The following KLHDC3 variants were observed in gnomAD, a reference collection of about 807,000 sequenced individuals.
KLHDC3 encodes kelch domain containing 3, also known as kelch domain-containing protein 3.
KLHDC3 carries 5 observed loss-of-function variants against 44.1 expected under a neutral mutation model. The observed-to-expected ratio is 0.11, with a 90% CI of 0.06 to 0.24. The LOEUF (loss-of-function observed/expected upper bound fraction) is 0.24, where lower values mean the gene tolerates loss of function less well. Among genes scored for constraint, KLHDC3 ranks in the 10% least tolerant of loss-of-function variants. KLHDC3 has a pLI of 1.00. For missense variants in KLHDC3, 247 were observed against 514.3 expected (o/e 0.48, Z 5.03); for synonymous variants, 170 against 189.0 (o/e 0.90, Z 0.82).
In KLHDC3 at chr6:43,018,727, G is replaced by C. The variant is rs1381285064; in HGVS notation, c.820+8G>C. On this transcript the variant is annotated splice_region_variant and intron_variant, in intron 7 of 10. Transcript: ENST00000326974. The surrounding 1 kb of genome is among the most constrained non-coding windows in gnomAD (Gnocchi z 6.0). Reference sequence around the variant, plus strand: ...TCTGGAAGTTTAATCCTGGTAAAGAGCACTGCATTTAGGGCAGGAACAAGG... The same window carrying C: ...TCTGGAAGTTTAATCCTGGTAAAGACCACTGCATTTAGGGCAGGAACAAGG... 1.9e-6 allele frequency: 3 copies of C among 1,612,006 alleles called. No individual in the cohort carries two copies. In the East Asian group the frequency reaches 6.7e-5, roughly 36 times the overall value.
At position 43,014,330 on chromosome 6, in the gene KLHDC3, C is replaced by A; in HGVS notation, c.-78C>A. The A allele has an allele frequency of 1.6e-6, 1 of 623,794 alleles. No individual in the cohort carries two copies. Among genetic ancestry groups the A allele is most frequent in the Admixed American group, 2.7e-5 (1 of 36,892 alleles). The allele number at this position is 623,794 out of a possible 1,614,324, so 38.6% of individuals were successfully genotyped here. ...GGCAGCTCGAGGACCCGCGGCCCCG[C>A]CCCGGCTCGGCCTGGCAGGTAGCCT... is the stretch of plus-strand genomic sequence containing the variant. On this transcript the variant is annotated 5_prime_UTR_variant, in exon 1 of 11. Coordinates refer to ENST00000326974, the MANE Select transcript of KLHDC3 (RefSeq NM_057161.4).
At position 43,019,086 on chromosome 6, in the gene KLHDC3, C is replaced by T. The variant is rs140467198; in HGVS notation, c.930-6C>T. The T allele has an allele frequency of 9.9e-5, 160 of 1,611,482 alleles. No homozygotes were observed. Among genetic ancestry groups the T allele is most frequent in the East Asian group, 4.9e-4 (22 of 44,864 alleles). On this transcript the variant is annotated splice_polypyrimidine_tract_variant and splice_region_variant and intron_variant, in intron 8 of 10. Transcript: ENST00000326974. Reference sequence around the variant, plus strand: ...CCTACTTTCATCTCTCTTTTGATCCCGACAGTCCATCTCCTGAGGAAGGCC... The same window carrying T: ...CCTACTTTCATCTCTCTTTTGATCCTGACAGTCCATCTCCTGAGGAAGGCC...
intron 10 of KLHDC3, among the ~76,000 whole-genome samples, 186 bp from the exon 11 acceptor site, chr6:43,020,481 T>C (rs1305680302): frequency 6.6e-6 from 1 of 151,634 alleles, no homozygotes; most frequent in Admixed American, 6.6e-5. Context: ...GAGTGGGTGG[T>C]GTTGGATTTG....
chr6:43,017,051 G>A lies in KLHDC3; in HGVS notation c.-59-83G>A. 1.0e-6 allele frequency: 1 copy of A among 960,582 alleles called. No homozygotes were observed. The highest frequency in any genetic ancestry group is 1.6e-6 in the Non-Finnish European group (1 of 638,192). The allele number at this position is 960,582 out of a possible 1,614,324, so 59.5% of individuals were successfully genotyped here. A position where few individuals can be genotyped will look rare whatever the true frequency, so the allele number is the denominator to read the frequency against. On this transcript the variant is annotated intron_variant, in intron 1 of 10. Transcript: ENST00000326974. This position sits in a 1 kb window ranked among gnomAD's most constrained non-coding sequence, Gnocchi z 6.0. Reference sequence around the variant, plus strand: ...GAGGGCCCCCAGGGTGACACTTGGAGGCAAAGGCTGGTTCTGGGCAGAGTC... The same window carrying A: ...GAGGGCCCCCAGGGTGACACTTGGAAGCAAAGGCTGGTTCTGGGCAGAGTC...
Position 43,018,537 on chromosome 6 carries a change from G to A in KLHDC3, c.714G>A (p.Gly238=). 6.2e-7 allele frequency: 1 copy of A among 1,614,040 alleles called. No individual in the cohort carries two copies. The highest frequency in any genetic ancestry group is 8.5e-7 in the Non-Finnish European group (1 of 1,180,000). The part of the protein sequence containing the change: ...DCPPTPVLPE[G]RRSHSAFGYN... ...CCCCGACTCCAGTGCTGCCTGAGGG[G>A]CGCCGGAGCCACTCGGCCTGTGAGT... The change falls in exon 6 of 11, where the codon GGG becomes GGA. Residue 238 remains glycine (G), a synonymous_variant. Transcript: ENST00000326974. This position sits in a 1 kb window ranked among gnomAD's most constrained non-coding sequence, Gnocchi z 6.0.
Position 43,021,144 on chromosome 6 carries a change from G to A in KLHDC3, c.*411G>A, listed in dbSNP as rs1410039973. 6 of 468,572 alleles carry A rather than the reference G, an allele frequency of 1.3e-5. No homozygotes were observed. Among genetic ancestry groups the A allele is most frequent in the Non-Finnish European group, 2.5e-5 (6 of 235,568 alleles). 29.0% of individuals were successfully genotyped at this position (468,572 alleles called of 1,614,324 possible). A position where few individuals can be genotyped will look rare whatever the true frequency, so the allele number is the denominator to read the frequency against. ...GAGCCTTGAGCCTTGACTGGGAGCT[G>A]AAAGGAGTTGCAGCTGTTGGCATGA... On this transcript the variant is annotated 3_prime_UTR_variant, in exon 11 of 11. Coordinates refer to ENST00000326974, the MANE Select transcript of KLHDC3 (RefSeq NM_057161.4).
At chr6:43,014,569 G>A (rs1364053560) in intron 1 of KLHDC3, 3 of 460,428 alleles carry the variant, frequency 6.5e-6, no homozygotes, top group South Asian at 3.1e-5. Flanking sequence ...AAGCAATGAA[G>A]GAAATGGGAA....
intron 1 of KLHDC3, chr6:43,016,706 G>T (rs886454876): frequency 1.8e-5 from 3 of 163,150 alleles, no homozygotes; most frequent in Non-Finnish European, 4.1e-5. Flanking sequence ...ATTAATAGCT[G>T]TGAGTATTTT....
intron 1 of KLHDC3, among the ~76,000 whole-genome samples, chr6:43,015,501 A>G (rs920484304): frequency 6.6e-6 from 1 of 152,154 alleles, no homozygotes; most frequent in Admixed American, 6.5e-5. Context: ...TTTGCCTGAA[A>G]AAACCTCAGA....
In KLHDC3 at chr6:43,017,731, G is replaced by T. The variant is rs758691979; in HGVS notation, c.331+36G>T. 3 of 1,605,446 alleles carry T rather than the reference G, an allele frequency of 1.9e-6. No individual in the cohort carries two copies. Among genetic ancestry groups the T allele is most frequent in the Non-Finnish European group, 2.6e-6 (3 of 1,174,020 alleles). ...ATCTCAGAGAGGCTATGTCCTTCCAGATGTTGCCTCAGTTGCCCAAGAAAG... is the reference window on the plus strand; with the variant it reads ...ATCTCAGAGAGGCTATGTCCTTCCATATGTTGCCTCAGTTGCCCAAGAAAG... On this transcript the variant is annotated intron_variant, in intron 3 of 10. Transcript: ENST00000326974. The surrounding 1 kb of genome is among the most constrained non-coding windows in gnomAD (Gnocchi z 6.0).
At position 43,017,258 on chromosome 6, in the gene KLHDC3, C is replaced by T. The variant is rs757760069; in HGVS notation, c.66C>T (p.Val22=). 19 of 1,614,006 alleles carry T rather than the reference C, an allele frequency of 1.2e-5. No homozygotes were observed. The highest frequency in any genetic ancestry group is 5.5e-5 in the South Asian group (5 of 91,088). ...PRRVNHAAVA[V]GHRVYSFGGY... ...GGGTGAACCATGCTGCAGTGGCTGT[C>T]GGGCATCGGGTATACTCCTTCGGGG... Residue 22 remains valine (V), a synonymous_variant, in exon 2 of 11, where the codon GTC becomes GTT. Transcript: ENST00000326974. The surrounding 1 kb of genome is among the most constrained non-coding windows in gnomAD (Gnocchi z 6.0).
In KLHDC3 at chr6:43,018,224, C is replaced by CT. The variant is rs761395700; in HGVS notation, c.519+11dup. On this transcript the variant is annotated intron_variant, in intron 5 of 10. Transcript: ENST00000326974. This position sits in a 1 kb window ranked among gnomAD's most constrained non-coding sequence, Gnocchi z 6.0. The stretch of plus-strand genomic sequence containing the variant: ...ACTCTTATCTGTACAAAGGTCTGCT[C>CT]TTTCTTTTTTTTCCCAAATCCCCAC... The CT allele has an allele frequency of 1.2e-4, 197 of 1,604,658 alleles. No homozygotes were observed. Among genetic ancestry groups the CT allele is most frequent in the Non-Finnish European group, 3.3e-5 (39 of 1,171,734 alleles).
intron 10 of KLHDC3, among the ~76,000 whole-genome samples, 168 bp from the exon 11 acceptor site, chr6:43,020,499 G>A (rs1762665873): frequency 6.6e-6 from 1 of 152,144 alleles, no homozygotes; most frequent in Non-Finnish European, 1.5e-5. Flanking sequence ...TTGGTGGTGG[G>A]TGGGTTCTGA....
In KLHDC3 at chr6:43,020,963, A is replaced by G. The variant is rs1436943018; in HGVS notation, c.*230A>G. On this transcript the variant is annotated 3_prime_UTR_variant, in exon 11 of 11. Coordinates refer to ENST00000326974, the MANE Select transcript of KLHDC3 (RefSeq NM_057161.4). ...CCCTTCCCCTTGGTGCTCTGTCCCC[A>G]TCCACCTCCTTTCAGCTGCTCCTGG... The G allele has an allele frequency of 1.5e-5, 10 of 653,996 alleles. No homozygotes were observed. In the Admixed American group the frequency reaches 1.7e-4, roughly 11 times the overall value. 40.5% of individuals were successfully genotyped at this position (653,996 alleles called of 1,614,324 possible).
At chr6:43,016,028 C>T (rs893595209) in intron 1 of KLHDC3, among the ~76,000 whole-genome samples, 4 of 150,594 alleles carry the variant, frequency 2.7e-5, no homozygotes. Flanking sequence ...CTCCGCCACC[C>T]GAGTGCAAGC....
At position 43,018,741 on chromosome 6, in the gene KLHDC3, G is replaced by C; in HGVS notation, c.820+22G>C. 6.2e-7 allele frequency: 1 copy of C among 1,606,134 alleles called. No individual in the cohort carries two copies. Among genetic ancestry groups the C allele is most frequent in the Non-Finnish European group, 8.5e-7 (1 of 1,172,758 alleles). On this transcript the variant is annotated intron_variant, in intron 7 of 10. Coordinates refer to ENST00000326974, the MANE Select transcript of KLHDC3 (RefSeq NM_057161.4). The surrounding 1 kb of genome is among the most constrained non-coding windows in gnomAD (Gnocchi z 6.0). ...CCTGGTAAAGAGCACTGCATTTAGG[G>C]CAGGAACAAGGAGCAATTGAGGTGG...
chr6:43,015,970 T>A (rs1440142854), intron 1 of KLHDC3, among the ~76,000 whole-genome samples: 1 of 151,462 alleles, frequency 6.6e-6, no homozygotes, highest in Non-Finnish European at 1.5e-5. Context: ...AGAGTCTCGC[T>A]CTGTCGCCAG....
In KLHDC3 at chr6:43,014,286, C is replaced by T. The variant is rs1762501070; in HGVS notation, c.-122C>T. 1 of 762,142 alleles carries T rather than the reference C, an allele frequency of 1.3e-6. No homozygotes were observed. The highest frequency in any genetic ancestry group is 2.1e-6 in the Non-Finnish European group (1 of 487,566). The allele number at this position is 762,142 out of a possible 1,614,324, so 47.2% of individuals were successfully genotyped here. On this transcript the variant is annotated 5_prime_UTR_variant, in exon 1 of 11. Transcript: ENST00000326974. Reference sequence around the variant, plus strand: ...GGGGACTAAGGCGTCGGTTGGCGCGCAACGGGTTCTAGGCTGCAGGCAGCT... The same window carrying T: ...GGGGACTAAGGCGTCGGTTGGCGCGTAACGGGTTCTAGGCTGCAGGCAGCT...
Position 43,017,857 on chromosome 6 carries a change from G to C in KLHDC3, c.336G>C (p.Thr112=). ...CCATTTTCTCATCTCCTTCAGATACGCACAAGTGGTTCACACCCCGAGTGT... is the reference window on the plus strand; with the variant it reads ...CCATTTTCTCATCTCCTTCAGATACCCACAAGTGGTTCACACCCCGAGTGT... ...CNVLYAFDVN[T]HKWFTPRVSG... is the part of the protein sequence containing the mutation. Residue 112 remains threonine, a synonymous_variant, in exon 4 of 11, where the codon ACG becomes ACC. Transcript: ENST00000326974. This position sits in a 1 kb window ranked among gnomAD's most constrained non-coding sequence, Gnocchi z 6.0. 1 of 1,612,920 alleles carries C rather than the reference G, an allele frequency of 6.2e-7. No homozygotes were observed.
Sources: gnomAD v4.1 joint callset for allele counts (sites outside exome capture counted in the v4.1 genomes callset) on GRCh38, gnomAD v4.1.1 for gene constraint, Gnocchi (gnomAD v3.1) non-coding constraint, MANE v1.5 for transcripts, NCBI Gene and HGNC (gene_info 2026-07-23, HGNC 2026-07-21) for gene names.